CSMD1: variants seen among roughly 807,000 people sequenced by gnomAD.
CSMD1 encodes CUB and sushi domain-containing protein 1.
A neutral mutation model predicts 417.5 loss-of-function variants in CSMD1; 213 were observed. The ratio of observed to expected loss-of-function variants is 0.51; its 90% confidence interval spans 0.46 to 0.57. CSMD1 has a LOEUF of 0.57. CSMD1 is among the 20% of genes least tolerant of loss of function. The pLI is 0.00. For missense variants in CSMD1, 6,923 were observed against 4,529.7 expected, an observed-to-expected ratio of 1.53 and a Z score of -15.17; for synonymous variants, 2,862 against 1,736.8, an observed-to-expected ratio of 1.65 and a Z score of -16.11.
At chr8:4,743,327 C>T (rs1185778369) in intron 1 of CSMD1, among the ~76,000 whole-genome samples, 2 of 152,230 alleles carry the variant, frequency 1.3e-5, no homozygotes. Flanking sequence ...CAATTCTGAA[C>T]ACTAAATGGA....
intron 8 of CSMD1, among the ~76,000 whole-genome samples, chr8:3,609,989 A>G (rs189322204): frequency 6.6e-6 from 1 of 151,718 alleles, no homozygotes; most frequent in African/African-American, 2.4e-5. Flanking sequence ...TTTAGTAGAG[A>G]CAGGATTTCA....
intron 1 of CSMD1, among the ~76,000 whole-genome samples, chr8:4,690,254 A>T (rs570719809): frequency 6.6e-6 from 1 of 152,312 alleles, no homozygotes; most frequent in South Asian, 2.1e-4. Flanking sequence ...GTCTTAATGA[A>T]ATTTCCCTTG....
chr8:3,340,563 A>G (rs1807580695), intron 23 of CSMD1, among the ~76,000 whole-genome samples: 1 of 152,230 alleles, frequency 6.6e-6, no homozygotes, highest in South Asian at 2.1e-4. Flanking sequence ...GTGTCTTTAC[A>G]CAGTCTTAAG....
At chr8:3,217,036 A>T (rs1336074531) in intron 29 of CSMD1, among the ~76,000 whole-genome samples, 1 of 152,054 alleles carries the variant, frequency 6.6e-6, no homozygotes, top group Admixed American at 6.6e-5. Context: ...AGATGCAATG[A>T]CATCACTGCC....
At chr8:3,342,732 C>T (rs568682316) in intron 23 of CSMD1, among the ~76,000 whole-genome samples, 10 of 152,248 alleles carry the variant, frequency 6.6e-5, no homozygotes, top group South Asian at 6.2e-4. Flanking sequence ...CCTGGCTCCA[C>T]CAACTCTTAA....
chr8:3,178,708 G>C (rs573949047), intron 37 of CSMD1, among the ~76,000 whole-genome samples: 54 of 152,240 alleles, frequency 3.5e-4, no homozygotes, highest in Non-Finnish European at 6.5e-4. Flanking sequence ...TTTAGAGCAA[G>C]ACCTGGCATA....
Position 3,252,145 on chromosome 8 carries a change from G to T in CSMD1, c.4154-21914C>A, listed in dbSNP as rs146535115. Among the ~76,000 whole-genome samples the T allele has an allele frequency of 0.022, 3,407 of 152,266 alleles. 265 individuals are homozygous for T. The East Asian group carries it at 0.23, about 10-fold the overall frequency. Reference sequence around the variant, plus strand: ...GCGCATCCCTGTCTTGTGACAGTTTGCAAAGGGAATGCTTCCAGTTTTTGC... The same window carrying T: ...GCGCATCCCTGTCTTGTGACAGTTTTCAAAGGGAATGCTTCCAGTTTTTGC... On this transcript the variant is annotated intron_variant, in intron 26 of 69. Transcript: ENST00000635120.
intron 3 of CSMD1, among the ~76,000 whole-genome samples, chr8:4,392,142 G>A (rs572526290): frequency 3.9e-5 from 6 of 152,172 alleles, no homozygotes; most frequent in African/African-American, 7.2e-5. Context: ...CCAGATTGCT[G>A]ACCACTGAAA....
At chr8:4,967,845 T>A (rs1809980780) in intron 1 of CSMD1, among the ~76,000 whole-genome samples, 1 of 152,190 alleles carries the variant, frequency 6.6e-6, no homozygotes. Flanking sequence ...ACAGTTGAGA[T>A]GACAACTTTA....
chr8:4,941,251 G>A (rs1460408327), intron 1 of CSMD1, among the ~76,000 whole-genome samples: 1 of 140,666 alleles, frequency 7.1e-6, no homozygotes, highest in Non-Finnish European at 1.6e-5. Flanking sequence ...CTCTTTTGTT[G>A]TTTCAAACAC....
At chr8:3,348,588 G>C (rs1450216571) in intron 21 of CSMD1, among the ~76,000 whole-genome samples, 2 of 152,088 alleles carry the variant, frequency 1.3e-5, no homozygotes, top group Non-Finnish European at 2.9e-5. Context: ...TTCCTTCATT[G>C]ACATCTTATG....
intron 3 of CSMD1, among the ~76,000 whole-genome samples, chr8:4,117,646 C>T (rs1037793882): frequency 3.9e-5 from 6 of 152,120 alleles, no homozygotes; most frequent in African/African-American, 9.7e-5. Context: ...CTGAAGCGCC[C>T]GCACTTCTGG....
chr8:3,134,735 C>T (rs1339780319), intron 41 of CSMD1, among the ~76,000 whole-genome samples: 1 of 152,138 alleles, frequency 6.6e-6, no homozygotes, highest in African/African-American at 2.4e-5. Flanking sequence ...GACACTACTA[C>T]TTTGGTGTCT....
In CSMD1 at chr8:4,045,438, T is replaced by C. The variant is rs1798101009; in HGVS notation, c.416-13339A>G. 4.6e-5 allele frequency among the ~76,000 whole-genome samples: 7 copies of C among 152,184 alleles called. No homozygotes were observed. The South Asian group carries it at 1.4e-3, about 32-fold the overall frequency. On this transcript the variant is annotated intron_variant, in intron 3 of 69. Transcript: ENST00000635120. ...AAGTGGCCACAGCAGTAGAAATGAC[T>C]GCTGAGAACGTCGGAAGGGCCACTG...
chr8:4,194,144 C>A (rs1563252979), intron 3 of CSMD1, among the ~76,000 whole-genome samples: 1 of 151,984 alleles, frequency 6.6e-6, no homozygotes. Flanking sequence ...TAAAAATGAC[C>A]AAGAAAACAA....
chr8:3,994,980 G>T (rs947430959), intron 5 of CSMD1, among the ~76,000 whole-genome samples: 1 of 152,114 alleles, frequency 6.6e-6, no homozygotes, highest in African/African-American at 2.4e-5. Context: ...TGGCTCTGTG[G>T]AATGACCCTG....
chr8:3,492,679 T>C (rs1016938043), intron 11 of CSMD1, among the ~76,000 whole-genome samples: 6 of 152,186 alleles, frequency 3.9e-5, no homozygotes, highest in African/African-American at 1.4e-4. Context: ...CTGAAGCAGA[T>C]GCCCAGGTCA....
intron 12 of CSMD1, among the ~76,000 whole-genome samples, chr8:3,427,586 T>G (rs991918543): frequency 1.3e-5 from 2 of 152,164 alleles, no homozygotes; most frequent in Non-Finnish European, 2.9e-5. Context: ...CTATGAGATA[T>G]GAAACAATCT....
intron 3 of CSMD1, among the ~76,000 whole-genome samples, chr8:4,230,606 T>A (rs561729050): frequency 3.9e-5 from 6 of 152,296 alleles, no homozygotes; most frequent in Admixed American, 1.3e-4. Flanking sequence ...CTGTTATGTA[T>A]CAAGATGTTT....
Sources: allele counts gnomAD v4.1 joint callset (sites outside exome capture counted in the v4.1 genomes callset), GRCh38; gene constraint gnomAD v4.1.1; transcripts MANE v1.5; gene names NCBI Gene and HGNC (gene_info 2026-07-23, HGNC 2026-07-21).